SEMA5B: variants seen among roughly 807,000 people sequenced by gnomAD.
SEMA5B encodes semaphorin 5B.
In SEMA5B, 66 loss-of-function variants were observed where a neutral mutation model predicts 135.0. The ratio of observed to expected loss-of-function variants is 0.49; its 90% CI spans 0.40 to 0.60. The LOEUF (loss-of-function observed/expected upper bound fraction) is 0.60. Among genes scored for constraint, SEMA5B ranks in the 20% least tolerant of loss-of-function variants. SEMA5B has a pLI of 0.00. For synonymous variants in SEMA5B, 690 were observed against 639.5 expected (o/e 1.08, Z -1.19); for missense variants, 1,501 against 1,566.3 (o/e 0.96, Z 0.70).
intron 12 of SEMA5B, among the ~76,000 whole-genome samples, chr3:122,920,583 C>T (rs1359226721): frequency 6.6e-6 from 1 of 152,196 alleles, no homozygotes; most frequent in African/African-American, 2.4e-5. Context: ...AATACTAGTC[C>T]CAATCCTTAC....
chr3:122,936,383 C>A (rs1939287591), intron 5 of SEMA5B, among the ~76,000 whole-genome samples: 1 of 152,188 alleles, frequency 6.6e-6, no homozygotes, highest in Non-Finnish European at 1.5e-5. Context: ...AACTTCAAAC[C>A]ACTCCAGGGC....
intron 2 of SEMA5B, among the ~76,000 whole-genome samples, chr3:122,952,999 A>C (rs1263154808): frequency 1.3e-5 from 2 of 151,898 alleles, no homozygotes; most frequent in Non-Finnish European, 2.9e-5. Context: ...CCCTTCCTAC[A>C]CCTTTGTAAA....
chr3:123,000,361 G>A (rs949668141), intron 1 of SEMA5B, among the ~76,000 whole-genome samples: 3 of 152,164 alleles, frequency 2.0e-5, no homozygotes, highest in Non-Finnish European at 4.4e-5. Flanking sequence ...AAGGTTCTCA[G>A]TCATGGTGGC....
chr3:122,967,646 C>T (rs1448494894), intron 1 of SEMA5B, among the ~76,000 whole-genome samples: 1 of 152,216 alleles, frequency 6.6e-6, no homozygotes, highest in Non-Finnish European at 1.5e-5. Context: ...CATTCATGCT[C>T]CAGGGCTCCT....
Position 122,943,464 on chromosome 3 carries a change from AG to A in SEMA5B, c.399del (p.Ser134ProfsTer56). The A allele has an allele frequency of 6.2e-7, 1 of 1,608,888 alleles. No individual in the cohort carries two copies. The highest frequency in any genetic ancestry group is 8.5e-7 in the Non-Finnish European group (1 of 1,178,320). Reference sequence around the variant, plus strand: ...GCTCCCACGATGAGCTGGTTCCCGGAGGGGTCCAAAGCCAGCTGGGAGAAAT... The same window carrying A: ...GCTCCCACGATGAGCTGGTTCCCGGAGGGTCCAAAGCCAGCTGGGAGAAAT... ...ARDFSQLALD[P>X]SGNQLIVGAR... On this transcript the variant is annotated frameshift_variant, in exon 4 of 23. Transcript: ENST00000357599. LOFTEE classifies it high-confidence loss of function.
chr3:122,968,442 C>A (rs1040891559), intron 1 of SEMA5B, among the ~76,000 whole-genome samples: 1 of 152,182 alleles, frequency 6.6e-6, no homozygotes, highest in African/African-American at 2.4e-5. Flanking sequence ...GGACGGTCGC[C>A]TTGGGGGTGA....
intron 1 of SEMA5B, among the ~76,000 whole-genome samples, chr3:123,018,378 C>T (rs1197586293): frequency 6.6e-6 from 1 of 152,256 alleles, no homozygotes; most frequent in Non-Finnish European, 1.5e-5. Flanking sequence ...TGGTTGACCA[C>T]AGTCACCCTC....
Position 122,928,683 on chromosome 3 carries a change from C to T in SEMA5B, c.538-68G>A. The T allele has an allele frequency of 3.5e-6, 4 of 1,151,088 alleles. No individual in the cohort carries two copies. In the South Asian group the frequency reaches 4.3e-5, roughly 12 times the overall value. 71.3% of individuals were successfully genotyped at this position (1,151,088 alleles called of 1,614,324 possible). A position where few individuals can be genotyped will look rare whatever the true frequency, so the allele number is the denominator to read the frequency against. ...TGCGATGCTGGATATCTCACGCTCA[C>T]ACCACTGCGTCATGGATGCCAACAA... is the stretch of plus-strand genomic sequence containing the variant. On this transcript the variant is annotated intron_variant, in intron 6 of 22. Coordinates refer to ENST00000357599, the MANE Select transcript of SEMA5B (RefSeq NM_001031702.4).
intron 1 of SEMA5B, among the ~76,000 whole-genome samples, chr3:122,995,301 T>G (rs1941998884): frequency 6.6e-6 from 1 of 151,980 alleles, no homozygotes; most frequent in South Asian, 2.1e-4. Flanking sequence ...GAATCCCAAA[T>G]GAACAAATGG....
intron 1 of SEMA5B, among the ~76,000 whole-genome samples, chr3:122,972,481 T>C (rs933979184): frequency 6.6e-6 from 1 of 152,196 alleles, no homozygotes; most frequent in Non-Finnish European, 1.5e-5. Flanking sequence ...CCTTGAAATA[T>C]GAGTCAAATA....
chr3:123,026,380 A>G (rs1376823671), intron 1 of SEMA5B, among the ~76,000 whole-genome samples: 1 of 148,712 alleles, frequency 6.7e-6, no homozygotes, highest in African/African-American at 2.5e-5. Context: ...CTCCCCATCC[A>G]GACTCTCGGC....
chr3:122,980,494 C>G (rs1189364664), intron 1 of SEMA5B, among the ~76,000 whole-genome samples: 1 of 151,138 alleles, frequency 6.6e-6, no homozygotes, highest in Non-Finnish European at 1.5e-5. Flanking sequence ...AGGAAGCGCT[C>G]CCTGTTTCAG....
chr3:122,922,512 CCCT>C, intron 10 of SEMA5B, 65 bp from the exon 11 acceptor site: 5 of 1,472,744 alleles, frequency 3.4e-6, no homozygotes, highest in East Asian at 5.0e-5. Flanking sequence ...CCCGCCGGCT[CCCT>C]CCTCCTGGCA....
At chr3:122,961,584 C>A (rs1245028228) in intron 1 of SEMA5B, among the ~76,000 whole-genome samples, 2 of 152,074 alleles carry the variant, frequency 1.3e-5, no homozygotes, top group African/African-American at 2.4e-5. Flanking sequence ...CTCAGCCCCC[C>A]AAGTAGTTGT....
chr3:122,940,007 C>G (rs898279015), intron 4 of SEMA5B, among the ~76,000 whole-genome samples: 4 of 152,270 alleles, frequency 2.6e-5, no homozygotes, highest in African/African-American at 4.8e-5. Flanking sequence ...CCTGCAGTCT[C>G]TCCAGCAGTC....
At chr3:123,020,228 C>T (rs1038324812) in intron 1 of SEMA5B, among the ~76,000 whole-genome samples, 16 of 152,202 alleles carry the variant, frequency 1.1e-4, no homozygotes, top group African/African-American at 2.6e-4. Flanking sequence ...ATGGCGCATC[C>T]GTATGATGGA....
chr3:122,922,220 G>A lies in SEMA5B; in HGVS notation c.1480+20C>T. 2 of 1,601,990 alleles carry A rather than the reference G, an allele frequency of 1.2e-6. No individual in the cohort carries two copies. The highest frequency in any genetic ancestry group is 1.7e-6 in the Non-Finnish European group (2 of 1,171,248). On this transcript the variant is annotated intron_variant, in intron 11 of 22. Coordinates refer to ENST00000357599, the MANE Select transcript of SEMA5B (RefSeq NM_001031702.4). The stretch of plus-strand genomic sequence containing the variant: ...AACCCACCCCCGACCTGCAGTCCAG[G>A]TTGGACCGGGCCGGCTCACCGGTGC...
At chr3:123,008,290 G>A (rs1054773310) in intron 1 of SEMA5B, among the ~76,000 whole-genome samples, 1 of 152,134 alleles carries the variant, frequency 6.6e-6, no homozygotes, top group African/African-American at 2.4e-5. Flanking sequence ...ACTGAGAATC[G>A]AACACTGTTT....
At chr3:122,967,501 T>C (rs920362980) in intron 1 of SEMA5B, among the ~76,000 whole-genome samples, 1 of 152,226 alleles carries the variant, frequency 6.6e-6, no homozygotes, top group Non-Finnish European at 1.5e-5. Context: ...TCCAGAGGCC[T>C]GCCCTTAACC....
Sources: gnomAD v4.1 joint callset for allele counts (sites outside exome capture counted in the v4.1 genomes callset) on GRCh38, gnomAD v4.1.1 for gene constraint, MANE v1.5 for transcripts, NCBI Gene and HGNC (gene_info 2026-07-23, HGNC 2026-07-21) for gene names.